The following GTF2IRD1 variants were observed in gnomAD, a reference collection of about 807,000 sequenced individuals.
The protein encoded by GTF2IRD1 is GTF2I repeat domain containing 1.
Under a neutral mutation model 113.2 loss-of-function variants are expected in GTF2IRD1, and 26 were observed. The observed-to-expected ratio is 0.23, with a 90% CI of 0.17 to 0.32. The LOEUF is 0.32. Among genes scored for constraint, GTF2IRD1 ranks in the 10% least tolerant of loss-of-function variants. The pLI, the probability that GTF2IRD1 is intolerant of heterozygous loss-of-function variation, is 1.00. For synonymous variants in GTF2IRD1, 484 were observed against 529.1 expected, an observed-to-expected ratio of 0.91 and a Z score of 1.17; for missense variants, 864 against 1,280.8, an observed-to-expected ratio of 0.67 and a Z score of 4.97.
chr7:74,526,554 C>G (rs1554347254), intron 8 of GTF2IRD1, among the ~76,000 whole-genome samples: 1 of 152,148 alleles, frequency 6.6e-6, no homozygotes. Flanking sequence ...AGGACATGTC[C>G]TCTGGGATGA....
chr7:74,454,856 A>G (rs1554326772), intron 1 of GTF2IRD1, among the ~76,000 whole-genome samples: 1 of 152,160 alleles, frequency 6.6e-6, no homozygotes, highest in African/African-American at 2.4e-5. Flanking sequence ...GAGTTCCTGC[A>G]GATGGGTGGA....
intron 19 of GTF2IRD1, among the ~76,000 whole-genome samples, chr7:74,557,103 A>G (rs1799645718): frequency 6.6e-6 from 1 of 152,022 alleles, no homozygotes; most frequent in African/African-American, 2.4e-5. Context: ...GAAATTAGCC[A>G]GGTGCGGTGG....
intron 1 of GTF2IRD1, among the ~76,000 whole-genome samples, chr7:74,473,813 C>G (rs1584472808): frequency 6.6e-6 from 1 of 152,106 alleles, no homozygotes; most frequent in East Asian, 1.9e-4. Context: ...ATTTTTGGCT[C>G]AGAAAACGAT....
rs192109706 is a variant in GTF2IRD1 at position 74,461,803 on chromosome 7, T to G, written c.-7+7627T>G. 2.1e-3 allele frequency among the ~76,000 whole-genome samples: 322 copies of G among 152,308 alleles called. 1 individual carries two copies. Among genetic ancestry groups the G allele is most frequent in the African/African-American group, 7.4e-3 (309 of 41,558 alleles). On this transcript the variant is annotated intron_variant, in intron 1 of 26. Coordinates refer to ENST00000424337, the MANE Select transcript of GTF2IRD1 (RefSeq NM_005685.4). ...CATCTTAGCCAGGCTGGTTTTGAAC[T>G]CCTGATCTCAAGTGATCTGTCCACC... is the stretch of plus-strand genomic sequence containing the variant.
chr7:74,579,337 GC>G (rs1483463584), intron 22 of GTF2IRD1, among the ~76,000 whole-genome samples: 5 of 152,222 alleles, frequency 3.3e-5, no homozygotes, highest in South Asian at 4.1e-4. Context: ...GAGGAAGAAG[GC>G]CAGGCGCAGT....
rs570701726 is a variant in GTF2IRD1 at position 74,464,622 on chromosome 7, GT to G, written c.-7+10451del. Among the ~76,000 whole-genome samples the G allele has an allele frequency of 3.6e-3, 545 of 151,846 alleles. 5 individuals are homozygous for G. The highest frequency in any genetic ancestry group is 5.7e-3 in the Non-Finnish European group (384 of 67,898). ...GCCACCACACCCGGCTAATTTTTGT[GT>G]TTTTAGTAGAGACGGGGTTTCGCCA... On this transcript the variant is annotated intron_variant, in intron 1 of 26. Coordinates refer to ENST00000424337, the MANE Select transcript of GTF2IRD1 (RefSeq NM_005685.4).
intron 1 of GTF2IRD1, among the ~76,000 whole-genome samples, chr7:74,461,127 C>G (rs1036390022): frequency 6.6e-6 from 1 of 152,176 alleles, no homozygotes; most frequent in Non-Finnish European, 1.5e-5. Context: ...GGTGTGACCC[C>G]GTGGGGATGC....
intron 4 of GTF2IRD1, among the ~76,000 whole-genome samples, chr7:74,517,304 C>T (rs937676350): frequency 1.3e-5 from 2 of 151,402 alleles, no homozygotes; most frequent in South Asian, 4.2e-4. Context: ...GGATTACAGG[C>T]GTGAGCCACC....
At chr7:74,521,147 C>A in intron 6 of GTF2IRD1, 61 bp from the exon 7 acceptor site, 2 of 944,426 alleles carry the variant, frequency 2.1e-6, no homozygotes, top group South Asian at 1.3e-5. Context: ...GCACTGGGGC[C>A]AGATCTGGGG....
chr7:74,471,690 C>CAAA (rs1195034410), intron 1 of GTF2IRD1, among the ~76,000 whole-genome samples: 1 of 40,350 alleles, frequency 2.5e-5, no homozygotes, highest in African/African-American at 9.5e-5. Context: ...AAAAAAAAAA[C>CAAA]AAAAAAAAAA....
chr7:74,561,946 G>T (rs1287629387), intron 22 of GTF2IRD1, among the ~76,000 whole-genome samples: 1 of 152,126 alleles, frequency 6.6e-6, no homozygotes, highest in Non-Finnish European at 1.5e-5. Context: ...GCAGGTGGTC[G>T]TGGCCTCAGC....
At chr7:74,487,361 A>G (rs1554335757) in intron 1 of GTF2IRD1, 1 of 152,130 alleles carries the variant, frequency 6.6e-6, no homozygotes, top group Non-Finnish European at 1.5e-5. Flanking sequence ...CTTTGTCTCT[A>G]TTCCCTTTCT....
chr7:74,513,440 G>C (rs1417239672), intron 3 of GTF2IRD1, among the ~76,000 whole-genome samples: 1 of 152,056 alleles, frequency 6.6e-6, no homozygotes, highest in Admixed American at 6.6e-5. Flanking sequence ...CGAGCAGCTG[G>C]GATTACAGGC....
intron 1 of GTF2IRD1, among the ~76,000 whole-genome samples, chr7:74,499,448 GAGAAGGAAGGAAGGAA>G (rs1377880981): frequency 1.3e-5 from 2 of 151,852 alleles, no homozygotes; most frequent in African/African-American, 4.8e-5. Flanking sequence ...GAGGGAGAGA[GAGAAGGAAGGAAGGAA>G]AGAAGGAAGG....
At chr7:74,568,272 A>C (rs774563679) in intron 22 of GTF2IRD1, among the ~76,000 whole-genome samples, 2 of 145,130 alleles carry the variant, frequency 1.4e-5, no homozygotes, top group African/African-American at 5.1e-5. Context: ...TGGGAGGCCG[A>C]GGCAGTAGGA....
intron 1 of GTF2IRD1, among the ~76,000 whole-genome samples, chr7:74,488,632 C>T (rs1795152669): frequency 6.6e-6 from 1 of 150,986 alleles, no homozygotes; most frequent in Admixed American, 6.6e-5. Flanking sequence ...GTGGCAGGCG[C>T]CCGTAGTCCC....
intron 1 of GTF2IRD1, among the ~76,000 whole-genome samples, chr7:74,468,522 G>C (rs1793869135): frequency 6.6e-6 from 1 of 151,734 alleles, no homozygotes; most frequent in Non-Finnish European, 1.5e-5. Flanking sequence ...AGCCGGGCGT[G>C]GTGGCACGTG....
intron 25 of GTF2IRD1, among the ~76,000 whole-genome samples, chr7:74,598,324 G>A (rs1361239775): frequency 1.3e-5 from 2 of 152,136 alleles, no homozygotes; most frequent in South Asian, 2.1e-4. Flanking sequence ...GAGGAGGCCA[G>A]TCGCGGTGGC....
At chr7:74,599,801 G>A (rs587771089) in intron 25 of GTF2IRD1, among the ~76,000 whole-genome samples, 1 of 152,146 alleles carries the variant, frequency 6.6e-6, no homozygotes, top group Admixed American at 6.6e-5. Context: ...GGGATTACCA[G>A]TGTGAGCCAC....
Sources: allele counts gnomAD v4.1 joint callset (sites outside exome capture counted in the v4.1 genomes callset), GRCh38; gene constraint gnomAD v4.1.1; transcripts MANE v1.5; gene names NCBI Gene and HGNC (gene_info 2026-07-23, HGNC 2026-07-21).